Variants in OPA3 observed in about 807,000 individuals in gnomAD.
The protein encoded by OPA3 is optic atrophy 3 protein.
A neutral mutation model predicts 4.0 loss-of-function variants in OPA3; 6 were observed. The ratio of observed to expected loss-of-function variants is 1.51; its 90% confidence interval spans 0.83 to 2.99. The LOEUF is 2.99. Among genes scored for constraint, OPA3 ranks in the 30% most tolerant of loss-of-function variants. OPA3 has a pLI of 0.00. For missense variants in OPA3, 235 were observed against 256.2 expected, an observed-to-expected ratio of 0.92 and a Z score of 0.56; for synonymous variants, 105 against 117.1, an observed-to-expected ratio of 0.90 and a Z score of 0.67.
chr19:45,572,819 A>C (rs1969707265), intron 1 of OPA3, among the ~76,000 whole-genome samples: 1 of 143,526 alleles, frequency 7.0e-6, no homozygotes, highest in Admixed American at 7.3e-5. Context: ...ATATATAGAT[A>C]TATATCTCGA....
intron 1 of OPA3, among the ~76,000 whole-genome samples, chr19:45,559,393 CTTTCTTTTTTTTTTTT>C (rs1226011175): frequency 1.0e-5 from 1 of 97,824 alleles, no homozygotes; most frequent in East Asian, 3.7e-4. Flanking sequence ...CCCTCTTTTT[CTTTCTTTTTTTTTTTT>C]TTTTTTTTTT....
intron 1 of OPA3, among the ~76,000 whole-genome samples, chr19:45,533,197 ATTTTTCTTTTT>A (rs1969078313): frequency 1.4e-5 from 2 of 141,618 alleles, no homozygotes; most frequent in Admixed American, 7.2e-5. Context: ...GGCCAGGATG[ATTTTTCTTTTT>A]TTTTTAAGGC....
intron 1 of OPA3, among the ~76,000 whole-genome samples, chr19:45,568,971 A>G (rs1969622743): frequency 6.6e-6 from 1 of 152,186 alleles, no homozygotes; most frequent in Admixed American, 6.5e-5. Flanking sequence ...CTCTTAGAAC[A>G]GTTCCTGGCA....
Position 45,529,583 on chromosome 19 carries a change from G to C in OPA3, c.143-127C>G, listed in dbSNP as rs12971437. 0.43 allele frequency: 509,276 copies of C among 1,198,270 alleles called. 110,877 individuals are homozygous for C. The highest frequency in any genetic ancestry group is 0.53 in the Middle Eastern group (2,611 of 4,936). The allele number at this position is 1,198,270 out of a possible 1,614,324, so 74.2% of individuals were successfully genotyped here. A position where few individuals can be genotyped will look rare whatever the true frequency, so the allele number is the denominator to read the frequency against. On this transcript the variant is annotated intron_variant, in intron 1 of 1. Coordinates refer to the OPA3 transcript ENST00000323060. ...TCACCACAATCGGACGCGTGCTGGCGGGGACGCCTTAACGAAGACAAGTGC... is the reference window on the plus strand; with the variant it reads ...TCACCACAATCGGACGCGTGCTGGCCGGGACGCCTTAACGAAGACAAGTGC...
Position 45,549,109 on chromosome 19 carries a change from G to C in OPA3, c.*4405C>G. 1.0e-6 allele frequency: 1 copy of C among 985,046 alleles called. No homozygotes were observed. Among genetic ancestry groups the C allele is most frequent in the Non-Finnish European group, 1.2e-6 (1 of 829,790 alleles). 61.0% of individuals were successfully genotyped at this position (985,046 alleles called of 1,614,324 possible). A position where few individuals can be genotyped will look rare whatever the true frequency, so the allele number is the denominator to read the frequency against. On this transcript the variant is annotated 3_prime_UTR_variant, in exon 2 of 2. Coordinates refer to ENST00000263275, the MANE Select transcript of OPA3 (RefSeq NM_025136.4). Reference sequence around the variant, plus strand: ...TGTGAGCCACTGCGCCCAGTCCCAAGGACTTTTTAAATATGAAAAAAGAAT... The same window carrying C: ...TGTGAGCCACTGCGCCCAGTCCCAACGACTTTTTAAATATGAAAAAAGAAT...
At chr19:45,580,804 G>C (rs1456813989) in intron 1 of OPA3, among the ~76,000 whole-genome samples, 1 of 151,776 alleles carries the variant, frequency 6.6e-6, no homozygotes, top group East Asian at 1.9e-4. Flanking sequence ...TTTGAGTAGA[G>C]ACAGGGTTTC....
chr19:45,541,436 C>T (rs73942916), downstream of OPA3, among the ~76,000 whole-genome samples: 742 of 152,064 alleles, frequency 4.9e-3, 5 homozygotes, highest in African/African-American at 0.017. Flanking sequence ...CCTGGTGTAG[C>T]GGCTCAGGCT....
At chr19:45,572,356 A>G (rs982373600) in intron 1 of OPA3, among the ~76,000 whole-genome samples, 3 of 137,208 alleles carry the variant, frequency 2.2e-5, no homozygotes, top group African/African-American at 7.9e-5. Context: ...ATATCGACAT[A>G]TATGAGATAT....
rs745552499 is a variant in OPA3, at chr19:45,584,718, A to C, written c.47T>G (p.Ile16Ser). 2 of 1,614,026 alleles carry C rather than the reference A, an allele frequency of 1.2e-6. No individual in the cohort carries two copies. Among genetic ancestry groups the C allele is most frequent in the Non-Finnish European group, 1.7e-6 (2 of 1,180,048 alleles). Residue 16 changes from isoleucine to serine, a missense_variant, in exon 1 of 2, where the codon ATC (isoleucine) becomes AGC (serine). Physicochemically the swap from Ile to Ser is moderately radical, Grantham distance 142. Coordinates refer to ENST00000263275, the MANE Select transcript of OPA3 (RefSeq NM_025136.4). ...FPMAKLLYLG[I>S]RQVSKPLANR... ...GGCAAGCGGCTTGCTGACCTGCCGGATGCCCAAGTATAGCAGCTTCGCCAT... is the reference window on the plus strand; with the variant it reads ...GGCAAGCGGCTTGCTGACCTGCCGGCTGCCCAAGTATAGCAGCTTCGCCAT...
At position 45,547,248 on chromosome 19, in the gene OPA3, C is replaced by A. The variant is rs1416643582; in HGVS notation, c.*6266G>T. 1 of 152,366 alleles carries A rather than the reference C, an allele frequency of 6.6e-6. No homozygotes were observed. The allele number at this position is 152,366 out of a possible 1,614,324, so 9.4% of individuals were successfully genotyped here. On this transcript the variant is annotated 3_prime_UTR_variant, in exon 2 of 2. Coordinates refer to ENST00000263275, the MANE Select transcript of OPA3 (RefSeq NM_025136.4). ...CCTGGCCCCCTCACCTAACTTCTCC[C>A]CTCGCTTACTCTATTCCAGGGGATG...
intron 1 of OPA3, among the ~76,000 whole-genome samples, chr19:45,538,100 C>CAA (rs1178598021): frequency 0.021 from 812 of 38,100 alleles, 24 homozygotes; most frequent in African/African-American, 0.063. Flanking sequence ...GGCTCCATAT[C>CAA]AAAAAAAAAA....
At chr19:45,535,512 C>G (rs1969105990) in intron 1 of OPA3, among the ~76,000 whole-genome samples, 1 of 151,362 alleles carries the variant, frequency 6.6e-6, no homozygotes, top group African/African-American at 2.4e-5. Flanking sequence ...GACACAACAC[C>G]ATGCCTGGCT....
At position 45,575,402 on chromosome 19, in the gene OPA3, C is replaced by T. The variant is rs1051677095; in HGVS notation, c.142+9221G>A. 2.0e-5 allele frequency among the ~76,000 whole-genome samples: 3 copies of T among 151,922 alleles called. No individual in the cohort carries two copies. In the East Asian group the frequency reaches 5.8e-4, roughly 30 times the overall value. ...CACTGCACCTGGCTAAGAGTTACTA[C>T]GGTAAGCCACCAAGCTTTGGATCAG... On this transcript the variant is annotated intron_variant, in intron 1 of 1. Transcript: ENST00000263275.
At chr19:45,544,664 C>T (rs1969224594), downstream of OPA3, among the ~76,000 whole-genome samples, 2 of 152,098 alleles carry the variant, frequency 1.3e-5, no homozygotes, top group African/African-American at 2.4e-5. Context: ...CGTGGTGGCA[C>T]ACACCTGTGA....
At chr19:45,540,018 C>A (rs1021995095) in intron 1 of OPA3, among the ~76,000 whole-genome samples, 9 of 152,052 alleles carry the variant, frequency 5.9e-5, no homozygotes, top group African/African-American at 2.2e-4. Context: ...AAATCGTACT[C>A]TTAAAATGGG....
intron 1 of OPA3, 171 bp downstream of exon 1, chr19:45,584,452 T>C (rs1472388927): frequency 2.1e-6 from 2 of 947,410 alleles, no homozygotes; most frequent in Admixed American, 6.6e-5. Flanking sequence ...CGCCCCGCCC[T>C]CACTACTGGG....
chr19:45,528,808 T>TG, exon 2 of OPA3: 1 of 412,750 alleles, frequency 2.4e-6, no homozygotes, highest in Non-Finnish European at 4.1e-6. Flanking sequence ...AGGGGCGGGG[T>TG]GGGATAGGGC....
intron 1 of OPA3, among the ~76,000 whole-genome samples, chr19:45,538,560 T>C (rs947478385): frequency 4.0e-5 from 6 of 151,852 alleles, no homozygotes; most frequent in African/African-American, 1.5e-4. Context: ...CTGTCTCTAC[T>C]GAAAATACAA....
intron 1 of OPA3, chr19:45,529,572 C>CCA (rs1419229494): frequency 6.1e-6 from 8 of 1,316,362 alleles, no homozygotes; most frequent in Non-Finnish European, 8.6e-6. Flanking sequence ...CACAATCGGA[C>CCA]GCGTGCTGGC....
Sources: allele counts gnomAD v4.1 joint callset (sites outside exome capture counted in the v4.1 genomes callset), GRCh38; gene constraint gnomAD v4.1.1; transcripts MANE v1.5; gene names NCBI Gene and HGNC (gene_info 2026-07-23, HGNC 2026-07-21).